The following LPGAT1 variants were observed in gnomAD, a reference collection of about 807,000 sequenced individuals.
LPGAT1 encodes acyl-CoA:lysophosphatidylglycerol acyltransferase 1.
LPGAT1 carries 11 observed loss-of-function variants against 47.5 expected under a neutral mutation model. That is an observed-to-expected ratio of 0.23 (90% CI 0.15 to 0.38). The LOEUF is 0.38. Among genes scored for constraint, LPGAT1 ranks in the 10% least tolerant of loss-of-function variants. The pLI, the probability that LPGAT1 is intolerant of heterozygous loss-of-function variation, is 1.00. For missense variants in LPGAT1, 293 were observed against 439.0 expected, an observed-to-expected ratio of 0.67 and a Z score of 2.97; for synonymous variants, 138 against 144.2, an observed-to-expected ratio of 0.96 and a Z score of 0.31.
At chr1:211,801,513 T>TCAGCATGGGCGACAAAGCAGA (rs1414156849) in intron 2 of LPGAT1, among the ~76,000 whole-genome samples, 1 of 151,810 alleles carries the variant, frequency 6.6e-6, no homozygotes, top group Non-Finnish European at 1.5e-5. Context: ...GAGTTCAAGA[T>TCAGCATGGGCGACAAAGCAGA]CAGCATGGGC....
chr1:211,759,830 A>C (rs940732580), intron 6 of LPGAT1, among the ~76,000 whole-genome samples: 1 of 152,236 alleles, frequency 6.6e-6, no homozygotes, highest in African/African-American at 2.4e-5. Context: ...TTGTTATTAG[A>C]AACAATGTGG....
chr1:211,813,012 C>A lies in LPGAT1; in HGVS notation c.238+16047G>T, dbSNP rs989170792. 1.1e-4 allele frequency among the ~76,000 whole-genome samples: 17 copies of A among 152,318 alleles called. No individual in the cohort carries two copies. The East Asian group carries it at 3.3e-3, about 29-fold the overall frequency. On this transcript the variant is annotated intron_variant, in intron 2 of 7. Transcript: ENST00000366997. ...TCTAGAGGGAGGGGCTATTTACTTT[C>A]ATCAGATTCTGAAAGAGGTTCTAAT...
At chr1:211,826,904 AT>A (rs998611314) in intron 2 of LPGAT1, among the ~76,000 whole-genome samples, 3 of 152,182 alleles carry the variant, frequency 2.0e-5, no homozygotes, top group Non-Finnish European at 4.4e-5. Context: ...CCACCCTCCT[AT>A]TGATGTAAAG....
intron 2 of LPGAT1, among the ~76,000 whole-genome samples, chr1:211,802,091 A>T (rs1438813175): frequency 1.3e-5 from 2 of 150,406 alleles, no homozygotes; most frequent in Admixed American, 6.7e-5. Context: ...CTGTCTCAAA[A>T]AAAAAAAAAA....
chr1:211,824,320 T>G (rs990195673), intron 2 of LPGAT1, among the ~76,000 whole-genome samples: 1 of 152,024 alleles, frequency 6.6e-6, no homozygotes, highest in Non-Finnish European at 1.5e-5. Context: ...CACTTGAACC[T>G]GAGAGAGAGA....
At chr1:211,763,619 A>G (rs1250359538) in intron 6 of LPGAT1, among the ~76,000 whole-genome samples, 2 of 152,252 alleles carry the variant, frequency 1.3e-5, no homozygotes, top group Non-Finnish European at 2.9e-5. Context: ...TCTAAAAGTC[A>G]AAGCATACCA....
In LPGAT1 at chr1:211,747,379, A is replaced by C. The variant is rs1045325352; in HGVS notation, c.*2520T>G. The C allele has an allele frequency of 6.6e-6, 1 of 152,204 alleles. No individual in the cohort carries two copies. The highest frequency in any genetic ancestry group is 6.5e-5 in the Admixed American group (1 of 15,274). 9.4% of individuals were successfully genotyped at this position (152,204 alleles called of 1,614,324 possible). Reference sequence around the variant, plus strand: ...GAGATATTTAAAAAAATTAACTCACATATCTATTGGCATTTGTCACCCTGG... The same window carrying C: ...GAGATATTTAAAAAAATTAACTCACCTATCTATTGGCATTTGTCACCCTGG... On this transcript the variant is annotated 3_prime_UTR_variant, in exon 8 of 8. Transcript: ENST00000366997.
At chr1:211,791,194 T>C (rs1007159773) in intron 3 of LPGAT1, among the ~76,000 whole-genome samples, 2 of 152,200 alleles carry the variant, frequency 1.3e-5, no homozygotes, top group East Asian at 3.8e-4. Context: ...ATAAAACATA[T>C]TTTTATTTAA....
intron 3 of LPGAT1, among the ~76,000 whole-genome samples, chr1:211,789,409 T>C (rs1351380213): frequency 2.6e-5 from 4 of 152,232 alleles, no homozygotes; most frequent in African/African-American, 9.6e-5. Flanking sequence ...TCAGTAAAGA[T>C]ACCCAAACTA....
In LPGAT1 at chr1:211,825,336, C is replaced by T. The variant is rs187746523; in HGVS notation, c.238+3723G>A. Among the ~76,000 whole-genome samples, 316 of 151,520 alleles carry T rather than the reference C, an allele frequency of 2.1e-3. 3 individuals carry two copies. The highest frequency in any genetic ancestry group is 2.5e-4 in the Non-Finnish European group (17 of 67,906). The stretch of plus-strand genomic sequence containing the variant: ...CTTCCCAAGTTGTTAAGATTACAGG[C>T]ATAAGCCACTGTACCTGGCTAAGAC... On this transcript the variant is annotated intron_variant, in intron 2 of 7. Coordinates refer to ENST00000366997, the MANE Select transcript of LPGAT1 (RefSeq NM_014873.3).
intron 2 of LPGAT1, among the ~76,000 whole-genome samples, chr1:211,815,254 T>A (rs1331400393): frequency 6.6e-6 from 1 of 152,216 alleles, no homozygotes; most frequent in East Asian, 1.9e-4. Context: ...TTTAAATTTT[T>A]AAAATCTTTC....
intron 2 of LPGAT1, among the ~76,000 whole-genome samples, chr1:211,814,514 A>G (rs1660104065): frequency 6.6e-6 from 1 of 152,194 alleles, no homozygotes; most frequent in Non-Finnish European, 1.5e-5. Flanking sequence ...TTCTGCCAAC[A>G]GAGCCAACAT....
chr1:211,774,608 T>C (rs76574737), intron 6 of LPGAT1, among the ~76,000 whole-genome samples: 200 of 152,318 alleles, frequency 1.3e-3, no homozygotes, highest in Non-Finnish European at 2.5e-3. Context: ...AACACAGCAA[T>C]ACTACCTATT....
At chr1:211,801,667 C>G (rs1056292092) in intron 2 of LPGAT1, among the ~76,000 whole-genome samples, 1 of 149,714 alleles carries the variant, frequency 6.7e-6, no homozygotes, top group Admixed American at 6.7e-5. Context: ...ATAATCACGC[C>G]ACTGCACTCC....
intron 4 of LPGAT1, among the ~76,000 whole-genome samples, chr1:211,784,955 C>T (rs1027157829): frequency 1.8e-4 from 27 of 152,018 alleles, no homozygotes; most frequent in African/African-American, 4.8e-4. Context: ...AGGCGCCTGC[C>T]ACCACACCCG....
chr1:211,754,834 T>C (rs1406874815), intron 6 of LPGAT1, among the ~76,000 whole-genome samples: 1 of 151,716 alleles, frequency 6.6e-6, no homozygotes, highest in Non-Finnish European at 1.5e-5. Context: ...GTCAAGATGG[T>C]GAAACCCCGT....
At chr1:211,819,831 A>G (rs1660306269) in intron 2 of LPGAT1, among the ~76,000 whole-genome samples, 1 of 152,160 alleles carries the variant, frequency 6.6e-6, no homozygotes. Flanking sequence ...CTAAAAATAC[A>G]AAAATTAGCC....
At chr1:211,768,180 G>A (rs1313826215) in intron 6 of LPGAT1, among the ~76,000 whole-genome samples, 2 of 152,002 alleles carry the variant, frequency 1.3e-5, no homozygotes, top group Non-Finnish European at 2.9e-5. Context: ...GATTTAAAAG[G>A]GAAAAACCTA....
In LPGAT1 at chr1:211,829,480, G is replaced by C. The variant is rs958261886; in HGVS notation, c.-27-157C>G. 20 of 1,438,110 alleles carry C rather than the reference G, an allele frequency of 1.4e-5. No homozygotes were observed. In the East Asian group the frequency reaches 3.7e-4, roughly 27 times the overall value. The allele number at this position is 1,438,110 out of a possible 1,614,324, so 89.1% of individuals were successfully genotyped here. A position where few individuals can be genotyped will look rare whatever the true frequency, so the allele number is the denominator to read the frequency against. ...TGATCTCTCAGGGGAAATTCCAGAG[G>C]GGGACAGAGAGCGAGGGAGGAGGAG... On this transcript the variant is annotated intron_variant, in intron 1 of 7. Coordinates refer to ENST00000366997, the MANE Select transcript of LPGAT1 (RefSeq NM_014873.3).
Sources: allele counts gnomAD v4.1 joint callset (sites outside exome capture counted in the v4.1 genomes callset), GRCh38; gene constraint gnomAD v4.1.1; transcripts MANE v1.5; gene names NCBI Gene and HGNC (gene_info 2026-07-23, HGNC 2026-07-21).